SEMA3A: variants seen among roughly 807,000 people sequenced by gnomAD.
The protein encoded by SEMA3A is semaphorin 3A, also known as semaphorin-3A.
A neutral mutation model predicts 97.9 loss-of-function variants in SEMA3A; 29 were observed. That is an observed-to-expected ratio of 0.30 (90% CI 0.22 to 0.40). SEMA3A has a LOEUF of 0.40. SEMA3A is among the 10% of genes least tolerant of loss of function. The probability of loss-of-function intolerance (pLI) is 1.00; values close to 1 mark genes in which losing one functional copy is unlikely to be tolerated. For synonymous variants in SEMA3A, 321 were observed against 323.7 expected (o/e 0.99, Z 0.09); for missense variants, 763 against 951.3 (o/e 0.80, Z 2.60).
intron 1 of SEMA3A, among the ~76,000 whole-genome samples, chr7:84,417,193 G>T (rs1370478644): frequency 6.6e-6 from 1 of 151,964 alleles, no homozygotes; most frequent in African/African-American, 2.4e-5. Context: ...AATTACAATA[G>T]TACAAAATTA....
chr7:83,998,640 A>G (rs1358094429), intron 12 of SEMA3A, among the ~76,000 whole-genome samples: 1 of 108,736 alleles, frequency 9.2e-6, no homozygotes, highest in African/African-American at 2.9e-5. Context: ...GTACTTTACA[A>G]TATAAACTAT....
chr7:84,138,645 T>C (rs770298314), intron 1 of SEMA3A, among the ~76,000 whole-genome samples: 9 of 152,158 alleles, frequency 5.9e-5, no homozygotes, highest in Admixed American at 1.3e-4. Flanking sequence ...AATACTTTCC[T>C]GGCATATGTG....
At chr7:84,444,830 G>C (rs766188573) in intron 1 of SEMA3A, among the ~76,000 whole-genome samples, 4 of 151,996 alleles carry the variant, frequency 2.6e-5, no homozygotes, top group African/African-American at 7.3e-5. Context: ...AAAGTGCTGG[G>C]ATTACAGGTG....
At chr7:84,045,660 G>A (rs1792319494) in intron 6 of SEMA3A, among the ~76,000 whole-genome samples, 1 of 151,768 alleles carries the variant, frequency 6.6e-6, no homozygotes, top group South Asian at 2.1e-4. Context: ...AAAGAAAAGA[G>A]AGTAATAGTA....
At chr7:84,305,938 G>A (rs1320474298) in intron 3 of SEMA3A, among the ~76,000 whole-genome samples, 1 of 151,256 alleles carries the variant, frequency 6.6e-6, no homozygotes, top group Non-Finnish European at 1.5e-5. Flanking sequence ...ATATATACAT[G>A]TATTAATTTA....
At chr7:84,452,518 C>G (rs1046499720) in intron 1 of SEMA3A, among the ~76,000 whole-genome samples, 9 of 152,156 alleles carry the variant, frequency 5.9e-5, no homozygotes, top group Non-Finnish European at 1.2e-4. Flanking sequence ...TATATGGTGG[C>G]ATGATCGATA....
rs200548758 is a variant in SEMA3A at position 84,001,917 on chromosome 7, A to G, written c.1452+38T>C. 61 of 1,429,048 alleles carry G rather than the reference A, an allele frequency of 4.3e-5. No individual in the cohort carries two copies. The East Asian group carries it at 1.1e-3, about 25-fold the overall frequency. The allele number at this position is 1,429,048 out of a possible 1,614,324, so 88.5% of individuals were successfully genotyped here. A position where few individuals can be genotyped will look rare whatever the true frequency, so the allele number is the denominator to read the frequency against. ...AGCTGTCCTGGGGGAAAGACGTACA[A>G]CTGAACTTGTTGACACTTGAAATTA... On this transcript the variant is annotated intron_variant, in intron 12 of 16. Transcript: ENST00000265362.
At chr7:84,250,433 C>G (rs1799581137) in intron 3 of SEMA3A, among the ~76,000 whole-genome samples, 4 of 152,098 alleles carry the variant, frequency 2.6e-5, no homozygotes, top group African/African-American at 7.2e-5. Flanking sequence ...AATAAACTCA[C>G]TGGGGGCTTT....
At chr7:83,984,544 A>C (rs1415093830) in intron 13 of SEMA3A, among the ~76,000 whole-genome samples, 1 of 149,314 alleles carries the variant, frequency 6.7e-6, no homozygotes, top group Non-Finnish European at 1.5e-5. Flanking sequence ...TCATTTTACA[A>C]TTTTGTATAT....
intron 1 of SEMA3A, among the ~76,000 whole-genome samples, chr7:84,483,940 A>C (rs1341832337): frequency 6.6e-6 from 1 of 151,958 alleles, no homozygotes; most frequent in Non-Finnish European, 1.5e-5. Flanking sequence ...ACTACTCGGG[A>C]GGCTGAGGCA....
chr7:84,031,741 C>T (rs1674624641), intron 6 of SEMA3A, among the ~76,000 whole-genome samples: 2 of 151,994 alleles, frequency 1.3e-5, no homozygotes, highest in South Asian at 2.1e-4. Context: ...GAGGCTGAGG[C>T]AGGAGAATTG....
intron 3 of SEMA3A, among the ~76,000 whole-genome samples, chr7:84,206,612 G>A (rs962406147): frequency 5.9e-5 from 9 of 151,886 alleles, no homozygotes; most frequent in East Asian, 1.9e-4. Context: ...GTGAGCCACC[G>A]CGTCCGGCCT....
At chr7:84,204,165 A>G (rs1236466641) in intron 3 of SEMA3A, among the ~76,000 whole-genome samples, 1 of 152,052 alleles carries the variant, frequency 6.6e-6, no homozygotes, top group Non-Finnish European at 1.5e-5. Context: ...GTAATATTCT[A>G]TTTTTTTAAT....
chr7:84,039,914 A>T (rs2116484531), intron 6 of SEMA3A, among the ~76,000 whole-genome samples: 1 of 152,194 alleles, frequency 6.6e-6, no homozygotes, highest in Middle Eastern at 3.4e-3. Flanking sequence ...GAGAAAATAT[A>T]TTCTCATAAG....
intron 4 of SEMA3A, among the ~76,000 whole-genome samples, chr7:84,073,384 G>C (rs1793816408): frequency 6.6e-6 from 1 of 151,834 alleles, no homozygotes; most frequent in African/African-American, 2.4e-5. Context: ...AATAGCACCA[G>C]CAAAATTTCC....
At position 84,100,429 on chromosome 7, in the gene SEMA3A, A is replaced by T. The variant is rs79762188; in HGVS notation, c.453+10041T>A. Among the ~76,000 whole-genome samples the T allele has an allele frequency of 5.2e-3, 796 of 152,298 alleles. 3 individuals are homozygous for T. Among genetic ancestry groups the T allele is most frequent in the East Asian group, 0.017 (87 of 5,180 alleles). On this transcript the variant is annotated intron_variant, in intron 4 of 16. Transcript: ENST00000265362. ...CAGGTCTATTACAAAACAATCATGAAAAACCTTACTTTTCTCATTAGTAAA... is the reference window on the plus strand; with the variant it reads ...CAGGTCTATTACAAAACAATCATGATAAACCTTACTTTTCTCATTAGTAAA...
intron 3 of SEMA3A, among the ~76,000 whole-genome samples, chr7:84,213,836 A>G (rs1798685678): frequency 6.6e-6 from 1 of 152,214 alleles, no homozygotes; most frequent in African/African-American, 2.4e-5. Flanking sequence ...TGAGCCTAGT[A>G]CCAAATAGTA....
intron 10 of SEMA3A, among the ~76,000 whole-genome samples, chr7:84,006,240 A>G (rs1182045517): frequency 6.6e-6 from 1 of 152,122 alleles, no homozygotes; most frequent in African/African-American, 2.4e-5. Flanking sequence ...GAATACATTT[A>G]ATTTTTTACT....
chr7:84,110,257 T>TCTTC (rs1243272866), intron 4 of SEMA3A, among the ~76,000 whole-genome samples: 1 of 152,164 alleles, frequency 6.6e-6, no homozygotes, highest in Non-Finnish European at 1.5e-5. Flanking sequence ...ACAAATGCTT[T>TCTTC]CTTCCTTCCT....
Sources: gnomAD v4.1 joint callset for allele counts (sites outside exome capture counted in the v4.1 genomes callset) on GRCh38, gnomAD v4.1.1 for gene constraint, MANE v1.5 for transcripts, NCBI Gene and HGNC (gene_info 2026-07-23, HGNC 2026-07-21) for gene names.